The following CA10 variants were observed in gnomAD, a reference collection of about 807,000 sequenced individuals.
CA10 encodes the protein carbonic anhydrase-related protein 10.
In CA10, 14 loss-of-function variants were observed where a neutral mutation model predicts 44.2. The ratio of observed to expected loss-of-function variants is 0.32; its 90% confidence interval spans 0.21 to 0.50. The LOEUF (loss-of-function observed/expected upper bound fraction) is 0.50, where lower values mean the gene tolerates loss of function less well. Among genes scored for constraint, CA10 ranks in the 20% least tolerant of loss-of-function variants. The probability of loss-of-function intolerance (pLI) is 0.99; values close to 1 mark genes in which losing one functional copy is unlikely to be tolerated. For synonymous variants in CA10, 159 were observed against 141.6 expected, an observed-to-expected ratio of 1.12 and a Z score of -0.87; for missense variants, 350 against 409.7, an observed-to-expected ratio of 0.85 and a Z score of 1.26.
intron 4 of CA10, among the ~76,000 whole-genome samples, chr17:51,656,321 G>C (rs1021005133): frequency 2.0e-5 from 3 of 152,224 alleles, no homozygotes; most frequent in African/African-American, 7.2e-5. Flanking sequence ...TGCCTCTCAG[G>C]GTGGGGTTCT....
chr17:52,157,643 G>A, intron 1 of CA10, 83 bp downstream of exon 1: 2 of 1,248,588 alleles, frequency 1.6e-6, no homozygotes, highest in East Asian at 2.4e-5. Flanking sequence ...TCTCTGCCCC[G>A]CGGCTATATA....
intron 3 of CA10, among the ~76,000 whole-genome samples, chr17:51,830,541 G>T (rs1490076530): frequency 6.6e-6 from 1 of 152,166 alleles, no homozygotes; most frequent in Non-Finnish European, 1.5e-5. Context: ...ATGCCAGAAA[G>T]TTGCAACTCT....
At chr17:51,688,918 T>C (rs1447511710) in intron 4 of CA10, among the ~76,000 whole-genome samples, 1 of 152,240 alleles carries the variant, frequency 6.6e-6, no homozygotes, top group Non-Finnish European at 1.5e-5. Flanking sequence ...CCAGGTGTTG[T>C]CCTAACACTT....
intron 2 of CA10, among the ~76,000 whole-genome samples, chr17:52,034,670 G>A (rs953580564): frequency 2.0e-5 from 3 of 152,014 alleles, no homozygotes; most frequent in African/African-American, 4.8e-5. Flanking sequence ...TGACACCTTG[G>A]GAGAATGATT....
chr17:51,651,812 G>C (rs921935581), intron 5 of CA10, among the ~76,000 whole-genome samples: 1 of 152,220 alleles, frequency 6.6e-6, no homozygotes, highest in Non-Finnish European at 1.5e-5. Flanking sequence ...CAAAGGACAG[G>C]AATTGCTGGG....
At chr17:51,913,696 A>G (rs1226303399) in intron 3 of CA10, among the ~76,000 whole-genome samples, 1 of 152,062 alleles carries the variant, frequency 6.6e-6, no homozygotes, top group East Asian at 1.9e-4. Context: ...CCAAGGAAAC[A>G]TATGTCTCCC....
At chr17:51,949,493 T>C (rs1166103120) in intron 2 of CA10, among the ~76,000 whole-genome samples, 3 of 152,194 alleles carry the variant, frequency 2.0e-5, no homozygotes, top group Non-Finnish European at 4.4e-5. Context: ...GCACATATGT[T>C]GGAAATTTCT....
intron 4 of CA10, among the ~76,000 whole-genome samples, chr17:51,662,128 T>G (rs552727611): frequency 6.6e-6 from 1 of 152,370 alleles, no homozygotes; most frequent in African/African-American, 2.4e-5. Context: ...AAATACATGT[T>G]GAGAGAACCT....
intron 4 of CA10, among the ~76,000 whole-genome samples, chr17:51,698,176 T>C (rs904526025): frequency 3.3e-5 from 5 of 152,354 alleles, no homozygotes; most frequent in African/African-American, 1.2e-4. Context: ...CTGCTACTGT[T>C]GCTGCTTCCC....
intron 3 of CA10, among the ~76,000 whole-genome samples, chr17:51,793,699 T>C (rs190225509): frequency 7.7e-4 from 117 of 152,368 alleles, no homozygotes; most frequent in Non-Finnish European, 1.4e-3. Context: ...TAAATTAGTA[T>C]AGAGACCCAC....
intron 2 of CA10, among the ~76,000 whole-genome samples, chr17:51,939,281 C>T (rs2144012466): frequency 6.6e-6 from 1 of 152,216 alleles, no homozygotes; most frequent in African/African-American, 2.4e-5. Context: ...TTTGAATGCA[C>T]TTCACTTTTC....
At chr17:51,704,197 T>C (rs974841569) in intron 4 of CA10, among the ~76,000 whole-genome samples, 3 of 152,228 alleles carry the variant, frequency 2.0e-5, no homozygotes, top group African/African-American at 7.2e-5. Flanking sequence ...TCCATCCATC[T>C]ATCCACCTAT....
chr17:51,982,202 C>A (rs1416875212), intron 2 of CA10, among the ~76,000 whole-genome samples: 1 of 151,974 alleles, frequency 6.6e-6, no homozygotes, highest in Admixed American at 6.6e-5. Context: ...TGTGCTTTCA[C>A]AGAGTGTTTT....
chr17:51,956,617 C>T (rs1007794114), intron 2 of CA10, among the ~76,000 whole-genome samples: 2 of 152,152 alleles, frequency 1.3e-5, no homozygotes, highest in African/African-American at 2.4e-5. Context: ...TTAGCAAAAA[C>T]AGGAAGTGGA....
chr17:51,871,621 G>A (rs754686182), intron 3 of CA10, among the ~76,000 whole-genome samples: 1 of 151,770 alleles, frequency 6.6e-6, no homozygotes, highest in Non-Finnish European at 1.5e-5. Context: ...CTGACCTCAG[G>A]TGATCCACCT....
chr17:51,814,401 T>G (rs929946331), intron 3 of CA10, among the ~76,000 whole-genome samples: 1 of 152,104 alleles, frequency 6.6e-6, no homozygotes, highest in African/African-American at 2.4e-5. Flanking sequence ...ATATAAAATG[T>G]GTTTTGGGAA....
At chr17:51,672,304 G>A (rs527317536) in intron 4 of CA10, among the ~76,000 whole-genome samples, 1 of 152,150 alleles carries the variant, frequency 6.6e-6, no homozygotes, top group Non-Finnish European at 1.5e-5. Flanking sequence ...GCGCTATAAA[G>A]TTCCCTAGCA....
intron 3 of CA10, among the ~76,000 whole-genome samples, chr17:51,805,779 C>A (rs942344509): frequency 2.6e-5 from 4 of 152,172 alleles, no homozygotes; most frequent in Admixed American, 6.5e-5. Flanking sequence ...CCCACTCCCA[C>A]CCCTGGGCAA....
At chr17:51,832,223 T>G (rs189841682) in intron 3 of CA10, among the ~76,000 whole-genome samples, 11 of 152,324 alleles carry the variant, frequency 7.2e-5, no homozygotes, top group African/African-American at 2.6e-4. Flanking sequence ...TTGTGAAGAC[T>G]GAATGCTATA....
Sources: gnomAD v4.1 joint callset for allele counts (sites outside exome capture counted in the v4.1 genomes callset) on GRCh38, gnomAD v4.1.1 for gene constraint, MANE v1.5 for transcripts, NCBI Gene and HGNC (gene_info 2026-07-23, HGNC 2026-07-21) for gene names.